Variants in TMTC4 observed in about 807,000 individuals in gnomAD.
The protein encoded by TMTC4 is transmembrane O-mannosyltransferase targeting cadherins 4.
Under a neutral mutation model 86.0 loss-of-function variants are expected in TMTC4, and 65 were observed. The observed-to-expected ratio is 0.76, with a 90% CI of 0.62 to 0.93. The LOEUF (loss-of-function observed/expected upper bound fraction) is 0.93, where lower values mean the gene tolerates loss of function less well. Ranked by LOEUF, TMTC4 falls within the 40% of genes least tolerant of loss-of-function variation. The pLI, the probability that TMTC4 is intolerant of heterozygous loss-of-function variation, is 0.00. For synonymous variants in TMTC4, 379 were observed against 382.5 expected (o/e 0.99, Z 0.11); for missense variants, 866 against 948.1 (o/e 0.91, Z 1.14).
At chr13:100,609,650 A>G (rs1004419995) in intron 17 of TMTC4, among the ~76,000 whole-genome samples, 1 of 150,026 alleles carries the variant, frequency 6.7e-6, no homozygotes, top group African/African-American at 2.5e-5. Flanking sequence ...GATTCACTGA[A>G]TGATTGAATG....
chr13:100,663,757 G>A (rs1886080482), intron 4 of TMTC4, among the ~76,000 whole-genome samples: 1 of 152,140 alleles, frequency 6.6e-6, no homozygotes, highest in South Asian at 2.1e-4. Flanking sequence ...CCGAGGAGCA[G>A]GTATGGACGA....
At chr13:100,658,069 AG>A (rs1276849250) in intron 5 of TMTC4, among the ~76,000 whole-genome samples, 1 of 152,158 alleles carries the variant, frequency 6.6e-6, no homozygotes, top group Non-Finnish European at 1.5e-5. Flanking sequence ...AGTATGCTGG[AG>A]GGGAACAATC....
In TMTC4 at chr13:100,633,949, G is replaced by C. The variant is rs934428585; in HGVS notation, c.1506+856C>G. Among the ~76,000 whole-genome samples the C allele has an allele frequency of 3.8e-4, 58 of 152,170 alleles. 1 individual carries two copies. Among genetic ancestry groups the C allele is most frequent in the Admixed American group, 9.2e-4 (14 of 15,274 alleles). ...GAGGTCAGGAGTTCAAGATCAGCTTGGCCAACATGGTGAAACTCTGTCTCT... is the reference window on the plus strand; with the variant it reads ...GAGGTCAGGAGTTCAAGATCAGCTTCGCCAACATGGTGAAACTCTGTCTCT... On this transcript the variant is annotated intron_variant, in intron 12 of 18. Coordinates refer to ENST00000342624, the MANE Select transcript of TMTC4 (RefSeq NM_032813.5).
chr13:100,633,403 C>A (rs1881730598), intron 12 of TMTC4, among the ~76,000 whole-genome samples: 1 of 150,716 alleles, frequency 6.6e-6, no homozygotes, highest in South Asian at 2.1e-4. Context: ...GTTCATTCAG[C>A]CCTAACAACA....
intron 1 of TMTC4, chr13:100,674,238 C>A (rs1887526247): frequency 1.0e-6 from 1 of 980,806 alleles, no homozygotes; most frequent in Non-Finnish European, 1.2e-6. Context: ...GTAGCAGGCG[C>A]TCGCGGCGCG....
At chr13:100,672,262 C>T (rs371158854) in intron 1 of TMTC4, among the ~76,000 whole-genome samples, 7 of 152,320 alleles carry the variant, frequency 4.6e-5, no homozygotes, top group Admixed American at 2.0e-4. Context: ...TGACCTGGTG[C>T]GACTGAGAAA....
rs370123363 is a variant in TMTC4 at position 100,613,135 on chromosome 13, TATATC to T, written c.1952-630_1952-626del. On this transcript the variant is annotated intron_variant, in intron 16 of 18. Transcript: ENST00000342624. ...TTCACATCTTCTAGTTCTTGTGAAA[TATATC>T]ATAAAGTGTTAACTACAGTCACCCT... Among the ~76,000 whole-genome samples the T allele has an allele frequency of 1.8e-3, 277 of 152,320 alleles. 3 individuals carry two copies. The highest frequency in any genetic ancestry group is 6.4e-3 in the African/African-American group (264 of 41,558).
In TMTC4 at chr13:100,635,155, G is replaced by T; in HGVS notation, c.1243C>A (p.Leu415Ile). 6.2e-7 allele frequency: 1 copy of T among 1,612,792 alleles called. No homozygotes were observed. The highest frequency in any genetic ancestry group is 8.5e-7 in the Non-Finnish European group (1 of 1,179,478). ...CGGAAGAACAGGTTACTCGCGGGGA[G>T]AAATGGGATAACGAGAAATCCCAGG... is the stretch of plus-strand genomic sequence containing the variant. ...LGLGFLVIPF[L>I]PASNLFFRVG... Residue 415 changes from leucine (L) to isoleucine (I), a missense_variant, in exon 11 of 19, where the codon CTC becomes ATC. Leu to Ile is a conservative substitution (Grantham distance 5, BLOSUM62 2). Transcript: ENST00000342624.
chr13:100,667,994 T>C (rs997036950), intron 3 of TMTC4, among the ~76,000 whole-genome samples: 1 of 152,216 alleles, frequency 6.6e-6, no homozygotes. Context: ...CAAAATTGAC[T>C]GGGATTCTGC....
intron 12 of TMTC4, among the ~76,000 whole-genome samples, chr13:100,632,045 A>ACCCTCTCTCTCT (rs1409294236): frequency 1.5e-5 from 1 of 65,052 alleles, no homozygotes; most frequent in African/African-American, 4.4e-5. Context: ...ACACACACAC[A>ACCCTCTCTCTCT]CACACACACT....
chr13:100,646,032 G>A (rs184273952), intron 6 of TMTC4, among the ~76,000 whole-genome samples: 12 of 152,256 alleles, frequency 7.9e-5, no homozygotes, highest in Non-Finnish European at 1.2e-4. Flanking sequence ...CCCTAAACCA[G>A]TGCCACTCAC....
intron 10 of TMTC4, 29 bp downstream of exon 10, chr13:100,636,503 G>A: frequency 6.2e-7 from 1 of 1,612,834 alleles, no homozygotes; most frequent in South Asian, 1.1e-5. Flanking sequence ...CAACCAGCGT[G>A]GAACTTAAGA....
chr13:100,659,712 C>T (rs1211201637), intron 5 of TMTC4, among the ~76,000 whole-genome samples: 3 of 151,036 alleles, frequency 2.0e-5, no homozygotes, highest in Admixed American at 6.6e-5. Flanking sequence ...AAGCAATGTG[C>T]GGTGGTTCAT....
intron 6 of TMTC4, among the ~76,000 whole-genome samples, chr13:100,647,382 T>C (rs963671764): frequency 1.2e-4 from 18 of 152,144 alleles, no homozygotes; most frequent in African/African-American, 4.1e-4. Flanking sequence ...CTCAGCTCCA[T>C]AGCTCACTAG....
At chr13:100,655,567 G>A (rs1237665885) in intron 6 of TMTC4, among the ~76,000 whole-genome samples, 6 of 152,250 alleles carry the variant, frequency 3.9e-5, no homozygotes, top group Middle Eastern at 3.4e-3. Context: ...GGTCTCTGGC[G>A]GCTGTGTCTC....
At chr13:100,629,739 T>C (rs1415769047) in intron 12 of TMTC4, among the ~76,000 whole-genome samples, 3 of 152,080 alleles carry the variant, frequency 2.0e-5, no homozygotes, top group Admixed American at 6.6e-5. Flanking sequence ...ATAGGGTCTT[T>C]AAAGAGGTAA....
intron 12 of TMTC4, among the ~76,000 whole-genome samples, chr13:100,632,099 T>C (rs542192979): frequency 1.4e-5 from 2 of 148,140 alleles, no homozygotes; most frequent in Admixed American, 6.7e-5. Flanking sequence ...TCTCTGTCTT[T>C]CTCCTAATAC....
intron 6 of TMTC4, among the ~76,000 whole-genome samples, chr13:100,656,104 T>C (rs1285252119): frequency 6.6e-6 from 1 of 152,224 alleles, no homozygotes; most frequent in Non-Finnish European, 1.5e-5. Context: ...GGAAATAAAA[T>C]GGCAAAACTC....
chr13:100,629,751 T>G (rs1269990380), intron 12 of TMTC4, among the ~76,000 whole-genome samples: 1 of 152,060 alleles, frequency 6.6e-6, no homozygotes, highest in African/African-American at 2.4e-5. Context: ...AAGAGGTAAG[T>G]AAGGTCAAAT....
Sources: gnomAD v4.1 joint callset for allele counts (sites outside exome capture counted in the v4.1 genomes callset) on GRCh38, gnomAD v4.1.1 for gene constraint, MANE v1.5 for transcripts, NCBI Gene and HGNC (gene_info 2026-07-23, HGNC 2026-07-21) for gene names.